Variants in LTBP1 observed in about 807,000 individuals in gnomAD.
LTBP1 encodes latent transforming growth factor beta binding protein 1.
LTBP1 carries 129 observed loss-of-function variants against 207.6 expected under a neutral mutation model. The observed-to-expected ratio is 0.62, with a 90% CI of 0.54 to 0.72. The LOEUF (loss-of-function observed/expected upper bound fraction) is 0.72, where lower values mean the gene tolerates loss of function less well. Ranked by LOEUF, LTBP1 falls within the 30% of genes least tolerant of loss-of-function variation. The pLI, the probability that LTBP1 is intolerant of heterozygous loss-of-function variation, is 0.00. For missense variants in LTBP1, 2,281 were observed against 2,217.2 expected (o/e 1.03, Z -0.58); for synonymous variants, 963 against 833.7 (o/e 1.16, Z -2.67).
chr2:33,150,704 C>CTTTTTTTTTTTTTTTTTTTTT (rs1211013076), intron 5 of LTBP1, among the ~76,000 whole-genome samples: 5 of 108,838 alleles, frequency 4.6e-5, no homozygotes, highest in African/African-American at 1.7e-4. Context: ...TTTCTTTTTT[C>CTTTTTTTTTTTTTTTTTTTTT]TTTTTCTTTT....
chr2:33,383,881 T>C (rs1189860837), intron 31 of LTBP1, among the ~76,000 whole-genome samples: 1 of 152,238 alleles, frequency 6.6e-6, no homozygotes, highest in Admixed American at 6.5e-5. Context: ...CTTGTTTCTC[T>C]TATATTTGAA....
chr2:32,955,042 A>G (rs1030011988), intron 2 of LTBP1, among the ~76,000 whole-genome samples: 4 of 152,198 alleles, frequency 2.6e-5, no homozygotes, highest in African/African-American at 9.6e-5. Flanking sequence ...TAAAATGTTG[A>G]AAGTTGTTAA....
chr2:33,121,513 A>G (rs1398014649), intron 4 of LTBP1, among the ~76,000 whole-genome samples: 1 of 152,118 alleles, frequency 6.6e-6, no homozygotes, highest in African/African-American at 2.4e-5. Flanking sequence ...GGCACCCACC[A>G]GCTGGGCTCC....
At chr2:33,163,620 T>C (rs905888278) in intron 5 of LTBP1, among the ~76,000 whole-genome samples, 1 of 152,212 alleles carries the variant, frequency 6.6e-6, no homozygotes, top group African/African-American at 2.4e-5. Context: ...AGTTAGTTGC[T>C]GGACACCCTA....
intron 7 of LTBP1, among the ~76,000 whole-genome samples, chr2:33,215,906 G>C (rs1249528113): frequency 6.6e-6 from 1 of 151,832 alleles, no homozygotes; most frequent in East Asian, 1.9e-4. Flanking sequence ...GTAGAGACAG[G>C]GTTTCACCAT....
chr2:33,315,315 G>C, intron 24 of LTBP1, 46 bp downstream of exon 24: 1 of 1,605,314 alleles, frequency 6.2e-7, no homozygotes, highest in Non-Finnish European at 8.5e-7. Context: ...ATAAAAGAGA[G>C]AGGAGATTGC....
intron 2 of LTBP1, among the ~76,000 whole-genome samples, chr2:32,998,318 C>A (rs1203602352): frequency 6.6e-6 from 1 of 151,596 alleles, no homozygotes; most frequent in African/African-American, 2.4e-5. Flanking sequence ...GAGATCGAGA[C>A]CATCCTGGCC....
At chr2:33,238,934 A>G (rs1157755240) in intron 9 of LTBP1, among the ~76,000 whole-genome samples, 2 of 152,160 alleles carry the variant, frequency 1.3e-5, no homozygotes, top group South Asian at 2.1e-4. Context: ...TGGGTTGTTC[A>G]TAGGGAGTCT....
intron 15 of LTBP1, among the ~76,000 whole-genome samples, chr2:33,271,041 A>G (rs1186927830): frequency 6.6e-6 from 1 of 152,240 alleles, no homozygotes; most frequent in Admixed American, 6.5e-5. Flanking sequence ...GAAACACTTT[A>G]GCTATGTTGG....
At chr2:32,954,037 C>G (rs1459317630) in intron 2 of LTBP1, among the ~76,000 whole-genome samples, 1 of 152,122 alleles carries the variant, frequency 6.6e-6, no homozygotes. Flanking sequence ...GATCTTCACA[C>G]CCTGTAGTGT....
intron 7 of LTBP1, among the ~76,000 whole-genome samples, chr2:33,198,511 G>A (rs2149031675): frequency 6.6e-6 from 1 of 152,308 alleles, no homozygotes. Flanking sequence ...GAATTCGGCT[G>A]TGAATCCATC....
At chr2:33,174,307 G>A (rs2085789301) in intron 5 of LTBP1, among the ~76,000 whole-genome samples, 1 of 151,346 alleles carries the variant, frequency 6.6e-6, no homozygotes, top group African/African-American at 2.4e-5. Context: ...CTTCAGCAAA[G>A]TCTCAGGATA....
chr2:33,374,073 C>T (rs2150258018), intron 31 of LTBP1, among the ~76,000 whole-genome samples: 1 of 152,258 alleles, frequency 6.6e-6, no homozygotes, highest in East Asian at 1.9e-4. Flanking sequence ...TCGTAATGCC[C>T]TTGGAGGTGT....
chr2:33,300,252 T>C (rs2093960245), intron 20 of LTBP1, among the ~76,000 whole-genome samples, 199 bp from the exon 21 acceptor site: 1 of 152,242 alleles, frequency 6.6e-6, no homozygotes, highest in Admixed American at 6.5e-5. Flanking sequence ...TGTCTATTTT[T>C]AGTTATTTCT....
intron 2 of LTBP1, 92 bp from the exon 3 acceptor site, chr2:33,020,817 A>G (rs2075130338): frequency 7.7e-7 from 1 of 1,291,194 alleles, no homozygotes. Context: ...ATTGGAGAAC[A>G]AACAACCTGA....
intron 7 of LTBP1, among the ~76,000 whole-genome samples, chr2:33,209,838 G>A (rs1216352461): frequency 6.6e-6 from 1 of 152,146 alleles, no homozygotes; most frequent in African/African-American, 2.4e-5. Flanking sequence ...TTGGCCATAT[G>A]GCTGTCTCAC....
rs112173595 is a variant in LTBP1 at position 33,238,609 on chromosome 2, C to G, written c.1877-5053C>G. On this transcript the variant is annotated intron_variant, in intron 9 of 33. Transcript: ENST00000404816. ...ACTGAGATCAAGAGAAACTCAGAGA[C>G]TTGCTCTGGGTAACATAACATTTTG... is the stretch of plus-strand genomic sequence containing the variant. 9.2e-3 allele frequency among the ~76,000 whole-genome samples: 1,402 copies of G among 152,306 alleles called. 22 individuals carry two copies. The highest frequency in any genetic ancestry group is 0.032 in the African/African-American group (1,320 of 41,568).
Position 33,300,478 on chromosome 2 carries a change from T to C in LTBP1, c.3263T>C (p.Leu1088Pro). The C allele has an allele frequency of 6.2e-7, 1 of 1,613,666 alleles. No individual in the cohort carries two copies. Among genetic ancestry groups the C allele is most frequent in the Middle Eastern group, 1.6e-4 (1 of 6,062 alleles). The change falls in exon 21 of 34, where the codon CTA becomes CCA. Residue 1088 changes from leucine to proline, a missense_variant. Physicochemically the swap from Leu to Pro is moderately conservative, Grantham distance 98. Around this residue, in one of 3 missense-constraint regions of LTBP1, gnomAD observed 1,671 missense variants for 1,634.8 expected, o/e 1.02. Transcript: ENST00000404816. ...ATTGATGAATGTCAGCAAGGGAATC[T>C]ATGTGTAAACGGGCAGTGCAAAAAT... Reference protein sequence around the residue: ...RDIDECQQGNLCVNGQCKNTE... With the variant: ...RDIDECQQGNPCVNGQCKNTE...
intron 5 of LTBP1, among the ~76,000 whole-genome samples, chr2:33,153,864 G>A (rs535918339): frequency 0.022 from 2,285 of 105,296 alleles, 24 homozygotes; most frequent in East Asian, 0.033. Flanking sequence ...ACCCGGCTCC[G>A]TGTCCCCAGA....
Sources: allele counts gnomAD v4.1 joint callset (sites outside exome capture counted in the v4.1 genomes callset), GRCh38; gene constraint gnomAD v4.1.1; regional missense constraint gnomAD v4.1.1; transcripts MANE v1.5; gene names NCBI Gene and HGNC (gene_info 2026-07-23, HGNC 2026-07-21).